The following MAGI1 variants were observed in gnomAD, a reference collection of about 807,000 sequenced individuals.
The protein encoded by MAGI1 is membrane associated guanylate kinase, WW and PDZ domain containing 1, also known as membrane-associated guanylate kinase, WW and PDZ domain-containing protein 1.
MAGI1 carries 58 observed loss-of-function variants against 139.9 expected under a neutral mutation model. The observed-to-expected ratio is 0.41, with a 90% CI of 0.34 to 0.52. The LOEUF is 0.52. Ranked by LOEUF, MAGI1 falls within the 20% of genes least tolerant of loss-of-function variation. The probability of loss-of-function intolerance (pLI) is 0.12; values close to 1 mark genes in which losing one functional copy is unlikely to be tolerated. For missense variants in MAGI1, 1,874 were observed against 1,901.6 expected (o/e 0.99, Z 0.27); for synonymous variants, 812 against 737.9 (o/e 1.10, Z -1.63).
chr3:65,659,971 A>T (rs1361348460), intron 1 of MAGI1, among the ~76,000 whole-genome samples: 2 of 152,234 alleles, frequency 1.3e-5, no homozygotes, highest in Non-Finnish European at 2.9e-5. Context: ...AACCATACTG[A>T]CAAGACACAA....
chr3:65,971,536 C>A (rs569934221), intron 1 of MAGI1, among the ~76,000 whole-genome samples: 1 of 152,330 alleles, frequency 6.6e-6, no homozygotes, highest in East Asian at 1.9e-4. Context: ...ACATCTTCTA[C>A]TGTCTGCAAC....
intron 14 of MAGI1, among the ~76,000 whole-genome samples, chr3:65,389,433 A>G (rs1247452537): frequency 3.3e-5 from 5 of 152,314 alleles, no homozygotes; most frequent in Admixed American, 2.0e-4. Context: ...AGGAAAACTC[A>G]ATCATAAATG....
At chr3:65,632,875 T>C (rs1369479876) in intron 1 of MAGI1, among the ~76,000 whole-genome samples, 2 of 152,214 alleles carry the variant, frequency 1.3e-5, no homozygotes, top group African/African-American at 4.8e-5. Context: ...GTTCAAGTAA[T>C]ACTTGGTGTG....
At chr3:65,832,924 G>A (rs888164583) in intron 1 of MAGI1, among the ~76,000 whole-genome samples, 3 of 152,140 alleles carry the variant, frequency 2.0e-5, no homozygotes, top group Admixed American at 6.6e-5. Context: ...ACTGTATCAA[G>A]GAAGCAGATT....
intron 5 of MAGI1, among the ~76,000 whole-genome samples, chr3:65,461,850 T>C (rs1575839512): frequency 6.6e-6 from 1 of 152,204 alleles, no homozygotes; most frequent in South Asian, 2.1e-4. Flanking sequence ...CATTGTGGTT[T>C]TGATTTGCAT....
intron 2 of MAGI1, among the ~76,000 whole-genome samples, chr3:65,612,396 T>C (rs1193790345): frequency 1.3e-5 from 2 of 152,144 alleles, no homozygotes; most frequent in African/African-American, 2.4e-5. Flanking sequence ...TAATGTTTTG[T>C]AGCCATTTGA....
chr3:65,850,523 A>G (rs2059165224), intron 1 of MAGI1, among the ~76,000 whole-genome samples: 1 of 152,204 alleles, frequency 6.6e-6, no homozygotes, highest in Non-Finnish European at 1.5e-5. Context: ...GGAACATTAC[A>G]TCATCTAAAA....
At chr3:65,902,230 A>G (rs1345990855) in intron 1 of MAGI1, among the ~76,000 whole-genome samples, 5 of 152,218 alleles carry the variant, frequency 3.3e-5, no homozygotes, top group African/African-American at 7.2e-5. Context: ...AAACTCTCAC[A>G]TCGCAATTGT....
intron 7 of MAGI1, among the ~76,000 whole-genome samples, chr3:65,447,231 G>C (rs1948733961): frequency 6.6e-6 from 1 of 152,212 alleles, no homozygotes; most frequent in Admixed American, 6.5e-5. Context: ...AAATGTATCA[G>C]ACGGAATGCA....
chr3:65,548,754 C>G (rs898458479), intron 2 of MAGI1, among the ~76,000 whole-genome samples: 2 of 151,960 alleles, frequency 1.3e-5, no homozygotes, highest in African/African-American at 2.4e-5. Context: ...AACTCATGAC[C>G]TCAAGTAATC....
intron 5 of MAGI1, among the ~76,000 whole-genome samples, chr3:65,459,975 G>A (rs925559322): frequency 2.6e-5 from 4 of 152,072 alleles, no homozygotes; most frequent in African/African-American, 9.7e-5. Context: ...TGACATCCTT[G>A]GCTTGTTTTC....
intron 1 of MAGI1, among the ~76,000 whole-genome samples, chr3:65,828,640 T>C (rs1479538823): frequency 6.6e-6 from 1 of 152,198 alleles, no homozygotes; most frequent in East Asian, 1.9e-4. Context: ...AATGGCCCCC[T>C]AATGATGTCC....
chr3:65,852,694 G>C (rs943860102), intron 1 of MAGI1, among the ~76,000 whole-genome samples: 4 of 151,660 alleles, frequency 2.6e-5, no homozygotes, highest in African/African-American at 9.7e-5. Context: ...GTAGAGACAG[G>C]GTTTCTCCAC....
chr3:65,730,751 T>C (rs1342841536), intron 1 of MAGI1, among the ~76,000 whole-genome samples: 2 of 152,166 alleles, frequency 1.3e-5, no homozygotes, highest in Non-Finnish European at 2.9e-5. Context: ...AATGGAAAGA[T>C]CTACGGATAA....
chr3:65,518,934 A>C (rs2078026105), intron 2 of MAGI1, among the ~76,000 whole-genome samples: 1 of 152,190 alleles, frequency 6.6e-6, no homozygotes, highest in African/African-American at 2.4e-5. Context: ...TAGAAGTAGA[A>C]GTAGAATTAC....
intron 2 of MAGI1, among the ~76,000 whole-genome samples, chr3:65,604,502 T>C (rs1407567770): frequency 6.6e-6 from 1 of 152,194 alleles, no homozygotes; most frequent in Non-Finnish European, 1.5e-5. Context: ...CTACTGTGGA[T>C]GTTTTTCCTG....
chr3:65,784,963 C>G (rs990417195), intron 1 of MAGI1, among the ~76,000 whole-genome samples: 1 of 152,008 alleles, frequency 6.6e-6, no homozygotes, highest in Non-Finnish European at 1.5e-5. Context: ...CGGTGGAGGG[C>G]AGAGAAGGAA....
chr3:65,812,868 C>G (rs2041365260), intron 1 of MAGI1, among the ~76,000 whole-genome samples: 1 of 151,482 alleles, frequency 6.6e-6, no homozygotes, highest in Non-Finnish European at 1.5e-5. Flanking sequence ...CACCACCACA[C>G]CCAGCTAATT....
In MAGI1 at chr3:65,623,477, T is replaced by TA. The variant is rs549913771; in HGVS notation, c.314-1390dup. On this transcript the variant is annotated intron_variant, in intron 1 of 22. Transcript: ENST00000402939. ...GATCAACCTAACTAGCATTCACTCT[T>TA]AATGGAGAAAGATGCTTCAATGACA... is the stretch of plus-strand genomic sequence containing the variant. Among the ~76,000 whole-genome samples, 281 of 152,316 alleles carry TA rather than the reference T, an allele frequency of 1.8e-3. 1 individual carries two copies. Among genetic ancestry groups the TA allele is most frequent in the Non-Finnish European group, 3.7e-3 (249 of 68,010 alleles).
Sources: gnomAD v4.1 joint callset for allele counts (sites outside exome capture counted in the v4.1 genomes callset) on GRCh38, gnomAD v4.1.1 for gene constraint, MANE v1.5 for transcripts, NCBI Gene and HGNC (gene_info 2026-07-23, HGNC 2026-07-21) for gene names.